CNGB1: variants seen among roughly 807,000 people sequenced by gnomAD.
The protein encoded by CNGB1 is cyclic nucleotide-gated channel beta-1.
A neutral mutation model predicts 151.7 loss-of-function variants in CNGB1; 126 were observed. The observed-to-expected ratio is 0.83, with a 90% CI of 0.72 to 0.96. The LOEUF (loss-of-function observed/expected upper bound fraction) is 0.96, where lower values mean the gene tolerates loss of function less well. Among genes scored for constraint, CNGB1 ranks in the 40% least tolerant of loss-of-function variants. The pLI is 0.00. For synonymous variants in CNGB1, 623 were observed against 635.1 expected, an observed-to-expected ratio of 0.98 and a Z score of 0.29; for missense variants, 1,698 against 1,627.0, an observed-to-expected ratio of 1.04 and a Z score of -0.75.
intron 17 of CNGB1, among the ~76,000 whole-genome samples, chr16:57,928,134 C>T (rs1961243279): frequency 6.6e-6 from 1 of 152,240 alleles, no homozygotes; most frequent in Non-Finnish European, 1.5e-5. Flanking sequence ...AAGCACTGTC[C>T]TGCCCTTGGC....
At chr16:57,928,348 G>T (rs1162663525) in intron 17 of CNGB1, among the ~76,000 whole-genome samples, 1 of 152,236 alleles carries the variant, frequency 6.6e-6, no homozygotes, top group Non-Finnish European at 1.5e-5. Flanking sequence ...ATTAGGGATA[G>T]GGCCCAACAA....
In CNGB1 at chr16:57,897,642, C is replaced by T. The variant is rs928961626; in HGVS notation, c.3096-99G>A. The T allele has an allele frequency of 3.8e-6, 6 of 1,587,276 alleles. No individual in the cohort carries two copies. The African/African-American group carries it at 4.0e-5, about 11-fold the overall frequency. On this transcript the variant is annotated intron_variant, in intron 30 of 32. Transcript: ENST00000251102. ...TGTGTGGAGGACAGTGGTGGCCCCA[C>T]ACAGATGAGAACCTTCCCCCGCCCC...
At chr16:57,966,080 A>C (rs960870457) in intron 2 of CNGB1, among the ~76,000 whole-genome samples, 5 of 152,104 alleles carry the variant, frequency 3.3e-5, no homozygotes, top group Non-Finnish European at 1.5e-5. Flanking sequence ...CTCAGTTAAA[A>C]TTCTGCTCCA....
chr16:57,917,453 A>ACAGCC lies in CNGB1; in HGVS notation c.1976_1980dup (p.Phe661GlyfsTer6). The ACAGCC allele has an allele frequency of 1.2e-6, 2 of 1,613,996 alleles. No individual in the cohort carries two copies. The highest frequency in any genetic ancestry group is 4.5e-5 in the East Asian group (2 of 44,880). ...CAATTCCAGGCCATCACCACGAAGA[A>ACAGCC]CAGCCATAGGACATACATCAGGTCT... On this transcript the variant is annotated frameshift_variant, in exon 21 of 33. Transcript: ENST00000251102. LOFTEE classifies it high-confidence loss of function.
At position 57,897,889 on chromosome 16, in the gene CNGB1, A is replaced by T; in HGVS notation, c.3002T>A (p.Ile1001Asn). 1.2e-6 allele frequency: 2 copies of T among 1,614,172 alleles called. No individual in the cohort carries two copies. Among genetic ancestry groups the T allele is most frequent in the East Asian group, 2.2e-5 (1 of 44,880 alleles). Residue 1001 changes from isoleucine (I) to asparagine (N), a missense_variant, in exon 30 of 33, where the codon ATC (isoleucine) becomes AAC (asparagine). Ile to Asn is a moderately radical substitution (Grantham distance 149, BLOSUM62 -3). Coordinates refer to ENST00000251102, the MANE Select transcript of CNGB1 (RefSeq NM_001297.5). Reference protein sequence around the residue: ...KKGEIGREMYIIQAGQVQVLG... With the variant: ...KKGEIGREMYNIQAGQVQVLG... ...GACCTGCACTTGCCCTGCCTGGATG[A>T]TGTACATCTCACGGCCGATCTCCCC...
chr16:57,931,011 A>T (rs191898575), intron 17 of CNGB1, among the ~76,000 whole-genome samples: 45 of 151,814 alleles, frequency 3.0e-4, no homozygotes, highest in South Asian at 1.9e-3. Context: ...TTTTTTTTTT[A>T]AAAAAGACTT....
At position 57,958,262 on chromosome 16, in the gene CNGB1, A is replaced by C. The variant is rs867134335; in HGVS notation, c.837+148T>G. The C allele has an allele frequency of 8.7e-5, 44 of 508,462 alleles. 1 individual carries two copies. In the Middle Eastern group the frequency reaches 1.1e-3, roughly 13 times the overall value. 31.5% of individuals were successfully genotyped at this position (508,462 alleles called of 1,614,324 possible). ...GGGGCTGGGCCAGCATGTCTCAGGG[A>C]GTGGGTGGAATGAACGTGGGCCATG... On this transcript the variant is annotated intron_variant, in intron 11 of 32. Coordinates refer to ENST00000251102, the MANE Select transcript of CNGB1 (RefSeq NM_001297.5).
At chr16:57,893,516 G>A (rs1386296326) in intron 31 of CNGB1, among the ~76,000 whole-genome samples, 1 of 152,004 alleles carries the variant, frequency 6.6e-6, no homozygotes, top group Non-Finnish European at 1.5e-5. Context: ...CACAGCAGCA[G>A]GCCAGGCACA....
At chr16:57,884,943 T>C (rs1959870766) in intron 32 of CNGB1, among the ~76,000 whole-genome samples, 1 of 152,164 alleles carries the variant, frequency 6.6e-6, no homozygotes, top group Admixed American at 6.5e-5. Flanking sequence ...GCCCCCTTTC[T>C]GGGAAGTCTC....
chr16:57,934,968 A>G (rs1427410061), intron 16 of CNGB1, among the ~76,000 whole-genome samples: 2 of 151,618 alleles, frequency 1.3e-5, no homozygotes, highest in African/African-American at 2.4e-5. Flanking sequence ...AAAAAAAAAA[A>G]AAAAGCAGCA....
At chr16:57,897,998 G>T in intron 29 of CNGB1, 84 bp from the exon 30 acceptor site, 1 of 1,432,098 alleles carries the variant, frequency 7.0e-7, no homozygotes, top group Non-Finnish European at 9.9e-7. Flanking sequence ...GAGGCTGGAG[G>T]TCCGGCAAGG....
chr16:57,957,708 G>A (rs1962126481), intron 11 of CNGB1, among the ~76,000 whole-genome samples: 1 of 152,250 alleles, frequency 6.6e-6, no homozygotes, highest in Non-Finnish European at 1.5e-5. Flanking sequence ...TCTCTCTGGG[G>A]CCTAGACAGC....
At chr16:57,940,661 G>T (rs1399204943) in intron 14 of CNGB1, among the ~76,000 whole-genome samples, 1 of 152,192 alleles carries the variant, frequency 6.6e-6, no homozygotes, top group Non-Finnish European at 1.5e-5. Flanking sequence ...AACAACATGT[G>T]CGAGAAATGC....
chr16:57,917,937 CTTCT>C (rs1340761218), intron 20 of CNGB1, among the ~76,000 whole-genome samples: 8 of 151,770 alleles, frequency 5.3e-5, no homozygotes, highest in African/African-American at 1.9e-4. Context: ...TGCTTTTATT[CTTCT>C]TTAATTTTTT....
intron 18 of CNGB1, among the ~76,000 whole-genome samples, chr16:57,921,725 G>T (rs1961041564): frequency 6.6e-6 from 1 of 152,198 alleles, no homozygotes; most frequent in African/African-American, 2.4e-5. Flanking sequence ...GACAGGCCTG[G>T]AGTTCTCCCT....
At chr16:57,928,535 A>G (rs781178849) in intron 17 of CNGB1, among the ~76,000 whole-genome samples, 2 of 152,242 alleles carry the variant, frequency 1.3e-5, no homozygotes, top group Non-Finnish European at 2.9e-5. Context: ...GGCCTAACCA[A>G]GGCATAGAGG....
chr16:57,964,004 C>T, intron 4 of CNGB1, 126 bp downstream of exon 4: 1 of 855,718 alleles, frequency 1.2e-6, no homozygotes, highest in East Asian at 2.6e-5. Flanking sequence ...TGTCCCAGGG[C>T]TTTCCCCAGA....
In CNGB1 at chr16:57,948,452, G is replaced by GT. The variant is rs1202591645; in HGVS notation, c.1121+900dup. Among the ~76,000 whole-genome samples the GT allele has an allele frequency of 4.6e-5, 7 of 151,882 alleles. No individual in the cohort carries two copies. The South Asian group carries it at 1.2e-3, about 27-fold the overall frequency. On this transcript the variant is annotated intron_variant, in intron 14 of 32. Transcript: ENST00000251102. Reference sequence around the variant, plus strand: ...TTACAGGCGTGAGCCACCACGCCTGGTCGACCTTCCTGAAACACTAACTTG... The same window carrying GT: ...TTACAGGCGTGAGCCACCACGCCTGGTTCGACCTTCCTGAAACACTAACTTG...
At chr16:57,920,621 G>T in intron 18 of CNGB1, 77 bp from the exon 19 acceptor site, 3 of 1,568,192 alleles carry the variant, frequency 1.9e-6, no homozygotes, top group Non-Finnish European at 2.6e-6. Flanking sequence ...GCTGTGCAGC[G>T]TCTGTGTCCC....
Sources: gnomAD v4.1 joint callset for allele counts (sites outside exome capture counted in the v4.1 genomes callset) on GRCh38, gnomAD v4.1.1 for gene constraint, MANE v1.5 for transcripts, NCBI Gene and HGNC (gene_info 2026-07-23, HGNC 2026-07-21) for gene names.